RARB: variants seen among roughly 807,000 people sequenced by gnomAD.
RARB encodes retinoic acid receptor beta.
A neutral mutation model predicts 51.9 loss-of-function variants in RARB; 17 were observed. The ratio of observed to expected loss-of-function variants is 0.33; its 90% CI spans 0.22 to 0.49. The LOEUF is 0.49. Ranked by LOEUF, RARB falls within the 20% of genes least tolerant of loss-of-function variation. The pLI, the probability that RARB is intolerant of heterozygous loss-of-function variation, is 0.99. For missense variants in RARB, 369 were observed against 550.8 expected, an observed-to-expected ratio of 0.67 and a Z score of 3.30; for synonymous variants, 215 against 195.4, an observed-to-expected ratio of 1.10 and a Z score of -0.84.
chr3:24,900,030 A>G (rs1297728127), intron 2 of RARB, among the ~76,000 whole-genome samples: 3 of 152,058 alleles, frequency 2.0e-5, no homozygotes, highest in Admixed American at 2.0e-4. Context: ...ATAATAAATT[A>G]AAATAAAATT....
chr3:24,895,310 A>G (rs1703456383), intron 2 of RARB, among the ~76,000 whole-genome samples: 1 of 152,182 alleles, frequency 6.6e-6, no homozygotes, highest in Non-Finnish European at 1.5e-5. Flanking sequence ...ATTTGATATT[A>G]CTTTTATTAA....
chr3:25,307,559 A>G (rs1465213682), intron 5 of RARB, among the ~76,000 whole-genome samples: 1 of 152,180 alleles, frequency 6.6e-6, no homozygotes, highest in Non-Finnish European at 1.5e-5. Flanking sequence ...AGGTTATGCA[A>G]AAACATCTTC....
intron 2 of RARB, among the ~76,000 whole-genome samples, chr3:24,955,528 G>A (rs903201646): frequency 6.6e-6 from 1 of 152,172 alleles, no homozygotes; most frequent in Non-Finnish European, 1.5e-5. Context: ...TATCAACAGC[G>A]TAGGGGCCAA....
intron 2 of RARB, among the ~76,000 whole-genome samples, chr3:24,949,469 C>A (rs1332776955): frequency 6.6e-6 from 1 of 151,496 alleles, no homozygotes; most frequent in African/African-American, 2.5e-5. Context: ...AAATAACTAA[C>A]TTCATAGCAA....
At chr3:25,144,141 A>C (rs1700152025) in intron 4 of RARB, among the ~76,000 whole-genome samples, 1 of 152,194 alleles carries the variant, frequency 6.6e-6, no homozygotes, top group Non-Finnish European at 1.5e-5. Context: ...AACTACTTAT[A>C]TAAGGTTTCC....
At chr3:25,370,048 C>G (rs1706251804) in intron 5 of RARB, among the ~76,000 whole-genome samples, 1 of 152,112 alleles carries the variant, frequency 6.6e-6, no homozygotes, top group Non-Finnish European at 1.5e-5. Context: ...AAAACACACA[C>G]CCTATGTATA....
At chr3:25,008,945 A>G (rs547496366) in intron 2 of RARB, among the ~76,000 whole-genome samples, 4 of 152,262 alleles carry the variant, frequency 2.6e-5, no homozygotes, top group East Asian at 3.9e-4. Context: ...AACAACAACT[A>G]TACTCTTTAT....
At chr3:25,294,396 A>C (rs1046032264) in intron 5 of RARB, among the ~76,000 whole-genome samples, 1 of 152,216 alleles carries the variant, frequency 6.6e-6, no homozygotes, top group Non-Finnish European at 1.5e-5. Flanking sequence ...TCAGCATCCA[A>C]TAAGGAAAAA....
Position 25,349,685 on chromosome 3 carries a change from G to A in RARB, c.179-111508G>A, listed in dbSNP as rs148201908. ...CAAACAAAAAAAAATTTAAACCAAA[G>A]TTGTACATTTAAAAGTTCTATGTGT... On this transcript the variant is annotated intron_variant, in intron 5 of 11. Coordinates refer to the RARB transcript ENST00000383772. 6.0e-3 allele frequency among the ~76,000 whole-genome samples: 909 copies of A among 152,170 alleles called. 10 individuals are homozygous for A. Among genetic ancestry groups the A allele is most frequent in the African/African-American group, 0.02 (839 of 41,522 alleles).
chr3:24,978,623 G>A (rs1407870866), intron 2 of RARB, among the ~76,000 whole-genome samples: 1 of 151,718 alleles, frequency 6.6e-6, no homozygotes. Flanking sequence ...TTTTTTTATT[G>A]CGTCTATTTG....
intron 3 of RARB, among the ~76,000 whole-genome samples, chr3:25,080,504 C>T (rs1698972093): frequency 6.6e-6 from 1 of 152,224 alleles, no homozygotes; most frequent in African/African-American, 2.4e-5. Flanking sequence ...TGTATTTCCG[C>T]AGCAGCTATA....
chr3:25,472,812 C>T (rs1274142704), intron 2 of RARB, among the ~76,000 whole-genome samples: 2 of 152,176 alleles, frequency 1.3e-5, no homozygotes, highest in Non-Finnish European at 2.9e-5. Context: ...TAGAGGTAGA[C>T]CTTTATCAGG....
intron 2 of RARB, among the ~76,000 whole-genome samples, chr3:25,059,631 G>A (rs1698508055): frequency 6.6e-6 from 1 of 151,702 alleles, no homozygotes; most frequent in South Asian, 2.1e-4. Flanking sequence ...GAGGAAATGG[G>A]AGCTTCTAGG....
At chr3:25,213,995 A>G (rs1172987726) in intron 5 of RARB, among the ~76,000 whole-genome samples, 1 of 152,244 alleles carries the variant, frequency 6.6e-6, no homozygotes, top group Non-Finnish European at 1.5e-5. Context: ...ACTAGTAAAA[A>G]AATAATCCAG....
chr3:25,376,634 G>T (rs2125475969), intron 5 of RARB, among the ~76,000 whole-genome samples: 1 of 152,328 alleles, frequency 6.6e-6, no homozygotes, highest in Non-Finnish European at 1.5e-5. Flanking sequence ...GCTGTGAATA[G>T]TCAGTAAACC....
chr3:25,552,918 A>G (rs1004186367), intron 3 of RARB, among the ~76,000 whole-genome samples: 1 of 152,148 alleles, frequency 6.6e-6, no homozygotes, highest in Non-Finnish European at 1.5e-5. Flanking sequence ...TATGTAGCAG[A>G]TCTGTTTAAA....
chr3:25,391,053 A>G (rs1042895967), intron 5 of RARB, among the ~76,000 whole-genome samples: 1 of 152,022 alleles, frequency 6.6e-6, no homozygotes, highest in South Asian at 2.1e-4. Context: ...ACACGCCCCA[A>G]CCTTTCCCCC....
chr3:25,349,343 G>A (rs1705489887), intron 5 of RARB, among the ~76,000 whole-genome samples: 1 of 152,196 alleles, frequency 6.6e-6, no homozygotes, highest in South Asian at 2.1e-4. Flanking sequence ...TTCGAGGATG[G>A]CCAGCATGTG....
chr3:25,418,869 T>C (rs545673883), intron 5 of RARB, among the ~76,000 whole-genome samples: 2 of 149,796 alleles, frequency 1.3e-5, no homozygotes, highest in African/African-American at 2.5e-5. Context: ...TCAGTTACTA[T>C]AGGGAATGAG....
Sources: gnomAD v4.1 joint callset for allele counts (sites outside exome capture counted in the v4.1 genomes callset) on GRCh38, gnomAD v4.1.1 for gene constraint, MANE v1.5 for transcripts, NCBI Gene and HGNC (gene_info 2026-07-23, HGNC 2026-07-21) for gene names.